Variants in ZNF322 observed in about 807,000 individuals in gnomAD.
ZNF322 encodes zinc finger protein 322, also known as HLA complex group 12.
A neutral mutation model predicts 18.3 loss-of-function variants in ZNF322; 1 was observed. The observed-to-expected ratio is 0.05, with a 90% CI of 0.02 to 0.26. The LOEUF is 0.26. Among genes scored for constraint, ZNF322 ranks in the 10% least tolerant of loss-of-function variants. The pLI, the probability that ZNF322 is intolerant of heterozygous loss-of-function variation, is 1.00. For synonymous variants in ZNF322, 17 were observed against 130.7 expected, an observed-to-expected ratio of 0.13 and a Z score of 5.93; for missense variants, 36 against 403.6, an observed-to-expected ratio of 0.09 and a Z score of 7.80.
intron 2 of ZNF322, among the ~76,000 whole-genome samples, chr6:26,648,543 A>C (rs1413210428): frequency 6.6e-6 from 1 of 152,200 alleles, no homozygotes; most frequent in Non-Finnish European, 1.5e-5. Flanking sequence ...AAACCCTACA[A>C]AGGACCAATG....
chr6:26,655,186 G>A (rs987722941), intron 2 of ZNF322, among the ~76,000 whole-genome samples: 3 of 152,182 alleles, frequency 2.0e-5, no homozygotes, highest in African/African-American at 7.2e-5. Context: ...GACTGATGCT[G>A]AATTAGATCT....
chr6:26,659,353 C>T (rs1460872438), intron 1 of ZNF322, 88 bp downstream of exon 1: 1 of 162,666 alleles, frequency 6.1e-6, no homozygotes, highest in Non-Finnish European at 1.5e-5. Context: ...TGTCCAGGAA[C>T]AGGGGCTGCT....
chr6:26,655,208 A>G (rs943311983), intron 2 of ZNF322, among the ~76,000 whole-genome samples: 1 of 152,242 alleles, frequency 6.6e-6, no homozygotes, highest in African/African-American at 2.4e-5. Flanking sequence ...GGTCCACAGA[A>G]AACATTTTTT....
chr6:26,641,612 A>T (rs1765467314), intron 3 of ZNF322, among the ~76,000 whole-genome samples: 1 of 152,126 alleles, frequency 6.6e-6, no homozygotes, highest in South Asian at 2.1e-4. Context: ...TTAATCTGTA[A>T]CTCTAGCCCC....
chr6:26,656,176 G>A (rs1765767185), intron 2 of ZNF322, among the ~76,000 whole-genome samples: 1 of 152,094 alleles, frequency 6.6e-6, no homozygotes, highest in Admixed American at 6.6e-5. Flanking sequence ...GGTTTATTTT[G>A]GTGGTTAATA....
chr6:26,649,671 GTGTGTATA>G (rs1331007889), intron 2 of ZNF322, among the ~76,000 whole-genome samples: 9,276 of 37,144 alleles, frequency 0.25, 1,056 homozygotes, highest in East Asian at 0.45. Flanking sequence ...GTGTGTGTGT[GTGTGTATA>G]TATATATATA....
intron 2 of ZNF322, chr6:26,650,323 C>T (rs1181543989): frequency 1.3e-5 from 2 of 152,082 alleles, no homozygotes; most frequent in African/African-American, 2.4e-5. Flanking sequence ...TACAAGAAAA[C>T]CACTGCTAAC....
chr6:26,658,065 A>T (rs1554149866), intron 2 of ZNF322, among the ~76,000 whole-genome samples: 1 of 152,102 alleles, frequency 6.6e-6, no homozygotes, highest in African/African-American at 2.4e-5. Flanking sequence ...TATAGGCCTT[A>T]GACTTGGAAA....
intron 3 of ZNF322, among the ~76,000 whole-genome samples, chr6:26,643,021 A>G (rs1765492545): frequency 6.6e-6 from 1 of 152,176 alleles, no homozygotes; most frequent in Non-Finnish European, 1.5e-5. Flanking sequence ...TTACTTTCAC[A>G]ATAGCCCAAG....
Position 26,634,626 on chromosome 6 carries a change from T to C in ZNF322, c.*2719A>G, listed in dbSNP as rs1265776424. 1.8e-5 allele frequency: 2 copies of C among 109,240 alleles called. No homozygotes were observed. Among genetic ancestry groups the C allele is most frequent in the Non-Finnish European group, 3.7e-5 (2 of 53,796 alleles). The allele number at this position is 109,240 out of a possible 1,614,324, so 6.8% of individuals were successfully genotyped here. ...AGTGGTCCTCTCCAACCTCAGGTTA[T>C]GCTATATGAATAATACCAACACCTT... On this transcript the variant is annotated 3_prime_UTR_variant, in exon 4 of 4. Coordinates refer to ENST00000415922, the MANE Select transcript of ZNF322 (RefSeq NM_024639.5).
chr6:26,640,601 C>G (rs1554148217), intron 3 of ZNF322, among the ~76,000 whole-genome samples: 1 of 152,152 alleles, frequency 6.6e-6, no homozygotes. Flanking sequence ...CCAGCTGACT[C>G]ACAAAAACAA....
rs1452468079 is a variant in ZNF322, at chr6:26,642,429, GTC to G, written c.-176+1228_-176+1229del. On this transcript the variant is annotated intron_variant, in intron 3 of 3. Transcript: ENST00000415922. ...TGTCTCTCTTTGTCTTCTTTTCTCA[GTC>G]TCTCGTCTCCACCTTACCCACAGGA... is the stretch of plus-strand genomic sequence containing the variant. Among the ~76,000 whole-genome samples, 18 of 152,244 alleles carry G rather than the reference GTC, an allele frequency of 1.2e-4. No homozygotes were observed. The East Asian group carries it at 2.5e-3, about 21-fold the overall frequency.
chr6:26,656,318 A>G (rs971281691), intron 2 of ZNF322, among the ~76,000 whole-genome samples: 2 of 152,180 alleles, frequency 1.3e-5, no homozygotes. Context: ...CAGAGTTGCT[A>G]TGAGAACAAA....
rs1263441280 is a variant in ZNF322 at position 26,647,494 on chromosome 6, G to A, written c.-245-3766C>T. On this transcript the variant is annotated intron_variant, in intron 2 of 3. Transcript: ENST00000415922. ...GAAATGACAAGGAAGAATAACCACCGAAAAGAAAAACACACATACATGAAA... is the reference window on the plus strand; with the variant it reads ...GAAATGACAAGGAAGAATAACCACCAAAAAGAAAAACACACATACATGAAA... Among the ~76,000 whole-genome samples the A allele has an allele frequency of 3.3e-5, 5 of 151,084 alleles. No individual in the cohort carries two copies. In the East Asian group the frequency reaches 5.8e-4, roughly 18 times the overall value.
At chr6:26,650,820 A>G (rs1765654098) in intron 2 of ZNF322, among the ~76,000 whole-genome samples, 1 of 152,238 alleles carries the variant, frequency 6.6e-6, no homozygotes, top group Non-Finnish European at 1.5e-5. Context: ...TTCCACATCC[A>G]TGGATAAGAA....
At chr6:26,655,943 T>C (rs949756421) in intron 2 of ZNF322, among the ~76,000 whole-genome samples, 12 of 152,320 alleles carry the variant, frequency 7.9e-5, no homozygotes, top group African/African-American at 2.4e-4. Context: ...TTACTCAGTC[T>C]ATGGTATTCT....
chr6:26,645,769 C>T (rs1038276905), intron 2 of ZNF322, among the ~76,000 whole-genome samples: 10 of 152,040 alleles, frequency 6.6e-5, no homozygotes, highest in Admixed American at 5.2e-4. Flanking sequence ...CGGTGGCTCA[C>T]GCCTGTAATC....
chr6:26,643,453 T>C (rs1765499404), intron 3 of ZNF322, among the ~76,000 whole-genome samples: 1 of 152,236 alleles, frequency 6.6e-6, no homozygotes, highest in Admixed American at 6.5e-5. Context: ...TGTTTTATCT[T>C]TCCTTACCAT....
chr6:26,659,371 G>C (rs939072935), intron 1 of ZNF322, 70 bp downstream of exon 1: 2 of 164,662 alleles, frequency 1.2e-5, no homozygotes, highest in Non-Finnish European at 2.9e-5. Context: ...GCTCCCACTC[G>C]ACTGTGGCCG....
Sources: allele counts gnomAD v4.1 joint callset (sites outside exome capture counted in the v4.1 genomes callset), GRCh38; gene constraint gnomAD v4.1.1; transcripts MANE v1.5; gene names NCBI Gene and HGNC (gene_info 2026-07-23, HGNC 2026-07-21).